CCSER1: variants seen among roughly 807,000 people sequenced by gnomAD.
CCSER1 encodes serine-rich coiled-coil domain-containing protein 1.
Under a neutral mutation model 82.0 loss-of-function variants are expected in CCSER1, and 41 were observed. The observed-to-expected ratio is 0.50, with a 90% CI of 0.39 to 0.65. The LOEUF (loss-of-function observed/expected upper bound fraction) is 0.65, where lower values mean the gene tolerates loss of function less well. Among genes scored for constraint, CCSER1 ranks in the 30% least tolerant of loss-of-function variants. The probability of loss-of-function intolerance (pLI) is 0.00; values close to 1 mark genes in which losing one functional copy is unlikely to be tolerated. For missense variants in CCSER1, 1,119 were observed against 1,064.2 expected (o/e 1.05, Z -0.72); for synonymous variants, 414 against 383.9 (o/e 1.08, Z -0.92).
intron 1 of CCSER1, among the ~76,000 whole-genome samples, chr4:90,208,348 T>TC (rs1431640279): frequency 6.6e-6 from 1 of 152,034 alleles, no homozygotes; most frequent in African/African-American, 2.4e-5. Context: ...CAGATGCCCC[T>TC]CCCCCAACCA....
chr4:90,413,805 C>CGG (rs1560480763), intron 4 of CCSER1, among the ~76,000 whole-genome samples: 5 of 149,862 alleles, frequency 3.3e-5, no homozygotes, highest in Admixed American at 6.6e-5. Flanking sequence ...AAAAATTAGC[C>CGG]GCGCGTAGTG....
Position 91,559,678 on chromosome 4 carries a change from TTG to T in CCSER1, c.2218-38891_2218-38890del, listed in dbSNP as rs553184281. Among the ~76,000 whole-genome samples, 414 of 151,662 alleles carry T rather than the reference TTG, an allele frequency of 2.7e-3. 1 individual carries two copies. The highest frequency in any genetic ancestry group is 9.5e-3 in the African/African-American group (395 of 41,494). On this transcript the variant is annotated intron_variant, in intron 10 of 10. Coordinates refer to ENST00000509176, the MANE Select transcript of CCSER1 (RefSeq NM_001145065.2). ...GATATCTTAATTGCCTTAAGAAAAT[TTG>T]TGAGTAAATTATTAAAATAATAATT...
intron 5 of CCSER1, among the ~76,000 whole-genome samples, chr4:90,537,086 A>G (rs1201468815): frequency 6.6e-6 from 1 of 152,154 alleles, no homozygotes; most frequent in Non-Finnish European, 1.5e-5. Context: ...TTAATAGGAT[A>G]TGTTTCAGAG....
intron 5 of CCSER1, among the ~76,000 whole-genome samples, chr4:90,588,001 G>A (rs549091914): frequency 2.6e-5 from 4 of 152,114 alleles, no homozygotes; most frequent in East Asian, 3.9e-4. Context: ...TTAAATGTGC[G>A]ATAGCATTAT....
At chr4:91,310,499 T>C (rs1745393502) in intron 10 of CCSER1, among the ~76,000 whole-genome samples, 1 of 151,914 alleles carries the variant, frequency 6.6e-6, no homozygotes, top group Non-Finnish European at 1.5e-5. Context: ...AAGGATATCT[T>C]CTCCTTGATG....
chr4:91,140,297 A>G lies in CCSER1; in HGVS notation c.2217+54303A>G, dbSNP rs78261263. On this transcript the variant is annotated intron_variant, in intron 10 of 10. Transcript: ENST00000509176. ...TAATTCATTTTTGTGTGATTATTAT[A>G]GCTGCATAAATTATACTAAAATATT... Among the ~76,000 whole-genome samples the G allele has an allele frequency of 4.9e-3, 739 of 151,982 alleles. 7 individuals carry two copies. The highest frequency in any genetic ancestry group is 0.017 in the African/African-American group (705 of 41,554).
chr4:90,539,411 C>T (rs1026368410), intron 5 of CCSER1, among the ~76,000 whole-genome samples: 1 of 152,068 alleles, frequency 6.6e-6, no homozygotes, highest in African/African-American at 2.4e-5. Context: ...TAAACTCAGA[C>T]TTTCCTAGCA....
At chr4:91,302,754 T>G (rs1744764718) in intron 10 of CCSER1, among the ~76,000 whole-genome samples, 1 of 151,922 alleles carries the variant, frequency 6.6e-6, no homozygotes, top group Non-Finnish European at 1.5e-5. Context: ...TAAACTTTCT[T>G]ATCCCTTAAA....
chr4:90,664,398 A>C (rs994099275), intron 6 of CCSER1, among the ~76,000 whole-genome samples: 1 of 152,236 alleles, frequency 6.6e-6, no homozygotes, highest in Non-Finnish European at 1.5e-5. Context: ...ACAAGGCACA[A>C]ATTCCTACTA....
At chr4:91,110,884 G>A (rs1162041052) in intron 10 of CCSER1, among the ~76,000 whole-genome samples, 1 of 150,644 alleles carries the variant, frequency 6.6e-6, no homozygotes, top group Non-Finnish European at 1.5e-5. Flanking sequence ...ATATTTTGGG[G>A]TCATTTAGAA....
chr4:91,460,717 C>T (rs912561445), intron 10 of CCSER1, among the ~76,000 whole-genome samples: 5 of 152,124 alleles, frequency 3.3e-5, no homozygotes, highest in African/African-American at 1.2e-4. Context: ...TTCGAGCACA[C>T]CGTGAAAGCC....
At chr4:90,185,610 T>C (rs1459528810) in intron 1 of CCSER1, among the ~76,000 whole-genome samples, 2 of 151,996 alleles carry the variant, frequency 1.3e-5, no homozygotes, top group Non-Finnish European at 2.9e-5. Flanking sequence ...GCCACTGTTA[T>C]CTGTATGCCC....
intron 10 of CCSER1, among the ~76,000 whole-genome samples, chr4:91,544,264 G>A (rs187064209): frequency 1.7e-4 from 26 of 152,112 alleles, no homozygotes; most frequent in African/African-American, 4.1e-4. Context: ...CCTTTAGCTC[G>A]GAGAAGTTTG....
At chr4:90,581,124 T>A in intron 5 of CCSER1, among the ~76,000 whole-genome samples, 1 of 152,212 alleles carries the variant, frequency 6.6e-6, no homozygotes, top group East Asian at 1.9e-4. Context: ...GAAACAAAGA[T>A]GGGTTAATAA....
intron 1 of CCSER1, among the ~76,000 whole-genome samples, chr4:90,160,540 A>C (rs181532260): frequency 6.6e-6 from 1 of 152,372 alleles, no homozygotes; most frequent in African/African-American, 2.4e-5. Flanking sequence ...AGAAAAGCCC[A>C]TTAGGCTTGG....
intron 3 of CCSER1, among the ~76,000 whole-genome samples, chr4:90,368,278 A>G (rs1055235706): frequency 1.3e-5 from 2 of 151,998 alleles, no homozygotes; most frequent in African/African-American, 4.8e-5. Context: ...AGCACTTATG[A>G]GAAAAACCAA....
intron 6 of CCSER1, among the ~76,000 whole-genome samples, chr4:90,709,950 T>A (rs1321276429): frequency 1.3e-5 from 2 of 151,492 alleles, no homozygotes; most frequent in African/African-American, 4.9e-5. Context: ...GCATCTGTTT[T>A]TTTTTTTTTT....
chr4:91,444,181 C>T (rs2149410421), intron 10 of CCSER1, among the ~76,000 whole-genome samples: 1 of 152,188 alleles, frequency 6.6e-6, no homozygotes, highest in East Asian at 1.9e-4. Flanking sequence ...TCTTTTCTGT[C>T]ACTAGAGTTA....
intron 5 of CCSER1, among the ~76,000 whole-genome samples, chr4:90,507,380 C>T (rs371058794): frequency 3.8e-4 from 57 of 150,500 alleles, no homozygotes; most frequent in East Asian, 3.3e-3. Flanking sequence ...GACTTTATAC[C>T]GTCTAAACAT....
Sources: allele counts gnomAD v4.1 joint callset (sites outside exome capture counted in the v4.1 genomes callset), GRCh38; gene constraint gnomAD v4.1.1; transcripts MANE v1.5; gene names NCBI Gene and HGNC (gene_info 2026-07-23, HGNC 2026-07-21).